IL15: variants seen among roughly 807,000 people sequenced by gnomAD.
IL15 encodes interleukin-15.
In IL15, 11 loss-of-function variants were observed where a neutral mutation model predicts 19.6. That is an observed-to-expected ratio of 0.56 (90% confidence interval 0.35 to 0.93). IL15 has a LOEUF of 0.93. Ranked by LOEUF, IL15 falls within the 40% of genes least tolerant of loss-of-function variation. The pLI, the probability that IL15 is intolerant of heterozygous loss-of-function variation, is 0.01. For missense variants in IL15, 197 were observed against 186.5 expected (o/e 1.06, Z -0.33); for synonymous variants, 58 against 59.6 (o/e 0.97, Z 0.12).
chr4:141,686,082 G>T (rs968089958), intron 2 of IL15, among the ~76,000 whole-genome samples: 2 of 151,942 alleles, frequency 1.3e-5, no homozygotes, highest in Non-Finnish European at 2.9e-5. Context: ...AGATTACAAG[G>T]TCAGGTGTTC....
intron 2 of IL15, among the ~76,000 whole-genome samples, chr4:141,669,835 C>G (rs17461808): frequency 0.051 from 7,596 of 149,114 alleles, 290 homozygotes; most frequent in Non-Finnish European, 0.075. Flanking sequence ...TGTAGGACAC[C>G]AAAAAAAGCT....
intron 2 of IL15, among the ~76,000 whole-genome samples, chr4:141,680,039 GT>G (rs1292110006): frequency 6.6e-6 from 1 of 152,180 alleles, no homozygotes; most frequent in African/African-American, 2.4e-5. Context: ...AGAACAAAAA[GT>G]TTCCACTATA....
In IL15 at chr4:141,719,441, A is replaced by T; in HGVS notation, c.-24A>T. 1.1e-6 allele frequency: 1 copy of T among 873,948 alleles called. No homozygotes were observed. The highest frequency in any genetic ancestry group is 1.4e-5 in the South Asian group (1 of 73,414). 54.1% of individuals were successfully genotyped at this position (873,948 alleles called of 1,614,324 possible). A position where few individuals can be genotyped will look rare whatever the true frequency, so the allele number is the denominator to read the frequency against. ...CATAGCCAGCTCTTCTTCAATACTT[A>T]AGGATTTACCGTGGCTTTGAGTAAT... is the stretch of plus-strand genomic sequence containing the variant. On this transcript the variant is annotated 5_prime_UTR_variant, in exon 3 of 8. It introduces an in-frame stop codon into an upstream open reading frame of the 5' UTR. Transcript: ENST00000320650.
At chr4:141,729,524 CA>C (rs2152193477) in intron 6 of IL15, among the ~76,000 whole-genome samples, 1 of 152,246 alleles carries the variant, frequency 6.6e-6, no homozygotes, top group African/African-American at 2.4e-5. Context: ...TTGATGTTTT[CA>C]GACTCTAAGG....
At chr4:141,707,731 T>C in intron 2 of IL15, among the ~76,000 whole-genome samples, 1 of 152,172 alleles carries the variant, frequency 6.6e-6, no homozygotes, top group East Asian at 1.9e-4. Context: ...GGCATAGTTT[T>C]CTTGGGGTGG....
chr4:141,701,298 AT>A (rs1191125080), intron 2 of IL15, among the ~76,000 whole-genome samples: 1 of 137,908 alleles, frequency 7.3e-6, no homozygotes, highest in African/African-American at 2.7e-5. Flanking sequence ...TTTTTTTTTT[AT>A]TTTTTCCCTC....
intron 2 of IL15, among the ~76,000 whole-genome samples, chr4:141,686,359 A>G (rs1222177018): frequency 1.3e-5 from 2 of 152,054 alleles, no homozygotes; most frequent in Non-Finnish European, 1.5e-5. Context: ...GGGACACAGT[A>G]AATATTGAAT....
intron 1 of IL15, among the ~76,000 whole-genome samples, chr4:141,638,908 C>T (rs958770572): frequency 6.6e-6 from 1 of 152,152 alleles, no homozygotes; most frequent in African/African-American, 2.4e-5. Context: ...CTGTCCTTTT[C>T]CCCTCATCTC....
intron 4 of IL15, 93 bp from the exon 5 acceptor site, chr4:141,721,831 A>G (rs1036600828): frequency 8.1e-6 from 9 of 1,115,760 alleles, no homozygotes; most frequent in African/African-American, 7.8e-5. Flanking sequence ...TTCACTGGTC[A>G]GAATAAAAAT....
At chr4:141,714,030 A>T (rs1306735144) in intron 2 of IL15, among the ~76,000 whole-genome samples, 1 of 152,020 alleles carries the variant, frequency 6.6e-6, no homozygotes, top group African/African-American at 2.4e-5. Flanking sequence ...TCAGGCTCTC[A>T]TACTATTCTC....
At chr4:141,691,831 A>C (rs1036513882) in intron 2 of IL15, among the ~76,000 whole-genome samples, 1 of 152,120 alleles carries the variant, frequency 6.6e-6, no homozygotes, top group Admixed American at 6.5e-5. Context: ...GCAAGCTGTC[A>C]GTGGATCTAT....
chr4:141,684,610 C>T (rs928301717), intron 2 of IL15, among the ~76,000 whole-genome samples: 1 of 152,182 alleles, frequency 6.6e-6, no homozygotes, highest in African/African-American at 2.4e-5. Context: ...TAGGTTTTCT[C>T]ATACTTGCTA....
chr4:141,667,791 C>T (rs186344124), intron 2 of IL15, among the ~76,000 whole-genome samples: 1 of 152,050 alleles, frequency 6.6e-6, no homozygotes, highest in African/African-American at 2.4e-5. Flanking sequence ...TTCTTGGTAT[C>T]CTAATGTATA....
At chr4:141,647,307 G>C (rs1054332952) in intron 1 of IL15, among the ~76,000 whole-genome samples, 3 of 152,010 alleles carry the variant, frequency 2.0e-5, no homozygotes, top group African/African-American at 7.2e-5. Flanking sequence ...GGCAAGGTAG[G>C]GGAATGGATG....
rs543550202 is a variant in IL15, at chr4:141,681,415, C to T, written c.-100+25108C>T. On this transcript the variant is annotated intron_variant, in intron 2 of 7. Coordinates refer to ENST00000320650, the MANE Select transcript of IL15 (RefSeq NM_000585.5). ...TCTAAACTATACATGTATTTCTTCACATGCATTATTTATTTAAAAATAAAT... is the reference window on the plus strand; with the variant it reads ...TCTAAACTATACATGTATTTCTTCATATGCATTATTTATTTAAAAATAAAT... Among the ~76,000 whole-genome samples, 10 of 152,156 alleles carry T rather than the reference C, an allele frequency of 6.6e-5. No homozygotes were observed. The South Asian group carries it at 2.1e-3, about 32-fold the overall frequency.
At chr4:141,660,204 C>T (rs1344610833) in intron 2 of IL15, among the ~76,000 whole-genome samples, 1 of 152,142 alleles carries the variant, frequency 6.6e-6, no homozygotes, top group Admixed American at 6.5e-5. Flanking sequence ...TTTCTGCCAA[C>T]CGAATCTCAC....
intron 5 of IL15, among the ~76,000 whole-genome samples, chr4:141,725,845 A>C (rs1730243404): frequency 6.6e-6 from 1 of 152,128 alleles, no homozygotes. Context: ...TTTATAAAGA[A>C]AGGAATTTAT....
chr4:141,652,749 G>T (rs964664044), intron 1 of IL15, among the ~76,000 whole-genome samples: 1 of 152,136 alleles, frequency 6.6e-6, no homozygotes, highest in Non-Finnish European at 1.5e-5. Flanking sequence ...GGTCTAATGT[G>T]CATTTGTGCT....
In IL15 at chr4:141,705,188, C is replaced by A. The variant is rs780312747; in HGVS notation, c.-99-14178C>A. On this transcript the variant is annotated intron_variant, in intron 2 of 7. Coordinates refer to ENST00000320650, the MANE Select transcript of IL15 (RefSeq NM_000585.5). ...AATCATTGGATTGTCTACTAGAAAT[C>A]TTTCTTCTTTTTTGGTGTAGGCATT... is the stretch of plus-strand genomic sequence containing the variant. Among the ~76,000 whole-genome samples, 36 of 151,858 alleles carry A rather than the reference C, an allele frequency of 2.4e-4. No individual in the cohort carries two copies. The Middle Eastern group carries it at 0.024, about 100-fold the overall frequency.
Sources: gnomAD v4.1 joint callset for allele counts (sites outside exome capture counted in the v4.1 genomes callset) on GRCh38, gnomAD v4.1.1 for gene constraint, MANE v1.5 for transcripts, NCBI Gene and HGNC (gene_info 2026-07-23, HGNC 2026-07-21) for gene names.